RIF1: variants seen among roughly 807,000 people sequenced by gnomAD.
The protein encoded by RIF1 is replication timing regulatory factor 1, also known as telomere-associated protein RIF1.
RIF1 carries 45 observed loss-of-function variants against 247.1 expected under a neutral mutation model. The observed-to-expected ratio is 0.18, with a 90% confidence interval of 0.14 to 0.23. The LOEUF (loss-of-function observed/expected upper bound fraction) is 0.23. Among genes scored for constraint, RIF1 ranks in the 10% least tolerant of loss-of-function variants. RIF1 has a pLI of 1.00. For synonymous variants in RIF1, 1,087 were observed against 978.8 expected (o/e 1.11, Z -2.06); for missense variants, 2,967 against 2,862.5 (o/e 1.04, Z -0.83).
Position 151,458,812 on chromosome 2 carries a change from C to T in RIF1, c.2857C>T (p.Pro953Ser), listed in dbSNP as rs1695658188. The change falls in exon 25 of 36, where the codon CCA becomes TCA. Residue 953 changes from proline (P) to serine (S), a missense_variant and splice_region_variant. Coordinates refer to ENST00000444746, the MANE Select transcript of RIF1 (RefSeq NM_018151.5). ...MMLVYPEELK[P>S]VLTQAKQKFL... is the part of the protein sequence containing the mutation. ...TATATTTTATGTACTTTTTTAAAGA[C>T]CAGTACTAACACAAGCCAAACAAAA... 2.5e-6 allele frequency: 4 copies of T among 1,590,998 alleles called. No individual in the cohort carries two copies. The highest frequency in any genetic ancestry group is 1.7e-5 in the Admixed American group (1 of 58,380).
chr2:151,497,413 C>A (rs1415291983), intron 10 of RIF1: 1 of 975,518 alleles, frequency 1.0e-6, no homozygotes, highest in Non-Finnish European at 1.2e-6. Flanking sequence ...ATTGAAAATA[C>A]CAGATGAAAT....
chr2:151,449,843 CCT>C (rs1558989114), intron 20 of RIF1, among the ~76,000 whole-genome samples: 4 of 90,590 alleles, frequency 4.4e-5, no homozygotes, highest in Admixed American at 1.4e-4. Flanking sequence ...TACTTTGATG[CCT>C]TTTTTTTTTT....
the RIF1 span, among the ~76,000 whole-genome samples, chr2:151,515,307 G>C: frequency 6.6e-6 from 1 of 152,198 alleles, no homozygotes; most frequent in East Asian, 1.9e-4. Context: ...ACAAGTCAGT[G>C]AGGCAAGGGG....
chr2:151,458,365 T>G (rs1370470160), intron 24 of RIF1, among the ~76,000 whole-genome samples: 1 of 151,616 alleles, frequency 6.6e-6, no homozygotes, highest in Non-Finnish European at 1.5e-5. Context: ...CCTGAGTAGC[T>G]GGGACTGAAG....
At chr2:151,454,793 A>C in intron 21 of RIF1, 102 bp from the exon 22 acceptor site, 1 of 786,616 alleles carries the variant, frequency 1.3e-6, no homozygotes, top group Non-Finnish European at 2.0e-6. Flanking sequence ...CATGTATTTG[A>C]TGTATCTAAC....
chr2:151,464,486 A>G lies in RIF1; in HGVS notation c.4966A>G (p.Thr1656Ala). The G allele has an allele frequency of 1.2e-6, 2 of 1,612,652 alleles. No homozygotes were observed. Among genetic ancestry groups the G allele is most frequent in the South Asian group, 2.2e-5 (2 of 90,444 alleles). ...AAATGTGTGTGAGGAAAAAAATGAA[A>G]CTAGCAAATATGCAGAATATTCCTT... ...LPNVCEEKNETSKYAEYSFTS... is the reference protein window; with the variant it reads ...LPNVCEEKNEASKYAEYSFTS... Residue 1656 changes from threonine (T) to alanine (A), a missense_variant, in exon 30 of 36, where the codon ACT becomes GCT. Physicochemically the swap from Thr to Ala is moderately conservative, Grantham distance 58 (BLOSUM62 0). Transcript: ENST00000444746.
chr2:151,495,916 G>A (rs2059855757), intron 10 of RIF1, among the ~76,000 whole-genome samples: 1 of 152,134 alleles, frequency 6.6e-6, no homozygotes, highest in African/African-American at 2.4e-5. Flanking sequence ...TCATATTTAA[G>A]AAAGAGCCGC....
the RIF1 span, among the ~76,000 whole-genome samples, chr2:151,517,245 G>C: frequency 6.6e-6 from 1 of 152,184 alleles, no homozygotes; most frequent in African/African-American, 2.4e-5. Context: ...CCACATAAAT[G>C]TATGTGACAG....
chr2:151,466,800 G>T (rs1696975808), intron 30 of RIF1, among the ~76,000 whole-genome samples: 1 of 152,196 alleles, frequency 6.6e-6, no homozygotes, highest in African/African-American at 2.4e-5. Context: ...ATCCTGAAAA[G>T]GTATGATGTT....
chr2:151,444,847 C>T (rs1410938930), intron 18 of RIF1, among the ~76,000 whole-genome samples: 4 of 152,166 alleles, frequency 2.6e-5, no homozygotes, highest in African/African-American at 9.7e-5. Context: ...TAACAAATTA[C>T]AGCCAACTGG....
chr2:151,452,436 A>G (rs1694476357), intron 21 of RIF1, among the ~76,000 whole-genome samples: 1 of 152,236 alleles, frequency 6.6e-6, no homozygotes, highest in Non-Finnish European at 1.5e-5. Context: ...TCTTGTTTAA[A>G]GATTAGGGAC....
At chr2:151,511,018 G>T (rs1393430392), downstream of RIF1, among the ~76,000 whole-genome samples, 2 of 152,200 alleles carry the variant, frequency 1.3e-5, no homozygotes, top group Non-Finnish European at 1.5e-5. Context: ...TAACTTGCCT[G>T]GCTATATTTT....
intron 11 of RIF1, among the ~76,000 whole-genome samples, chr2:151,500,115 AATGAGT>A (rs1249145752): frequency 9.2e-5 from 14 of 152,196 alleles, no homozygotes; most frequent in Non-Finnish European, 4.4e-5. Flanking sequence ...CAGGGAAAAC[AATGAGT>A]ATAACATTCC....
chr2:151,509,663 G>T (rs1015328568), downstream of RIF1, among the ~76,000 whole-genome samples: 1 of 152,124 alleles, frequency 6.6e-6, no homozygotes, highest in African/African-American at 2.4e-5. Context: ...GAGTTTCGCA[G>T]TGTCTCCAGG....
At chr2:151,469,919 G>T in intron 34 of RIF1, 55 bp downstream of exon 34, 1 of 1,302,918 alleles carries the variant, frequency 7.7e-7, no homozygotes, top group Non-Finnish European at 1.0e-6. Context: ...TAGCAGTACA[G>T]TTACAGAAGT....
At chr2:151,471,231 T>C (rs914181231) in intron 34 of RIF1, among the ~76,000 whole-genome samples, 4 of 152,244 alleles carry the variant, frequency 2.6e-5, no homozygotes, top group Admixed American at 6.5e-5. Context: ...AAATTTCCGT[T>C]TTGAGGTTGA....
At chr2:151,442,034 A>G in intron 16 of RIF1, 43 bp downstream of exon 16, 1 of 464,310 alleles carries the variant, frequency 2.2e-6, no homozygotes, top group East Asian at 3.8e-5. Flanking sequence ...GGCCAAAAAC[A>G]TTTATACTTC....
chr2:151,531,133 T>A, the RIF1 span: 1 of 1,363,244 alleles, frequency 7.3e-7, no homozygotes, highest in Admixed American at 1.8e-5. Context: ...AGACATCATG[T>A]CATGCTTCTC....
chr2:151,420,596 G>A (rs1336167656), intron 7 of RIF1, among the ~76,000 whole-genome samples: 2 of 151,956 alleles, frequency 1.3e-5, no homozygotes, highest in Admixed American at 1.3e-4. Context: ...AATTAGCTGG[G>A]CGTGGTGGCA....
Sources: gnomAD v4.1 joint callset for allele counts (sites outside exome capture counted in the v4.1 genomes callset) on GRCh38, gnomAD v4.1.1 for gene constraint, MANE v1.5 for transcripts, NCBI Gene and HGNC (gene_info 2026-07-23, HGNC 2026-07-21) for gene names.